The following ABL2 variants were observed in gnomAD, a reference collection of about 807,000 sequenced individuals.
The protein encoded by ABL2 is tyrosine-protein kinase ABL2.
A neutral mutation model predicts 107.7 loss-of-function variants in ABL2; 49 were observed. The ratio of observed to expected loss-of-function variants is 0.45; its 90% CI spans 0.36 to 0.58. The LOEUF is 0.58. ABL2 is among the 20% of genes least tolerant of loss of function. The probability of loss-of-function intolerance (pLI) is 0.00; values close to 1 mark genes in which losing one functional copy is unlikely to be tolerated. For missense variants in ABL2, 1,245 were observed against 1,457.0 expected (o/e 0.85, Z 2.37); for synonymous variants, 549 against 548.6 (o/e 1.00, Z -0.01).
At chr1:179,135,533 A>C (rs369343645) in intron 1 of ABL2, among the ~76,000 whole-genome samples, 1 of 137,306 alleles carries the variant, frequency 7.3e-6, no homozygotes, top group Non-Finnish European at 1.6e-5. Context: ...CCCTCCGCCC[A>C]GCAGCCACCC....
Position 179,107,987 on chromosome 1 carries a change from C to T in ABL2, c.3280G>A (p.Asp1094Asn). ...TCCGTGAGTGCACTGGACAGTAGGT[C>T]AGCACATTCCAGCAGGGCCTCTTTG... ...ISKEALLECADLLSSALTEPV... is the reference protein window; with the variant it reads ...ISKEALLECANLLSSALTEPV... The change falls in exon 12 of 12, where the codon GAC becomes AAC. Residue 1094 changes from aspartate to asparagine, a missense_variant. Around this residue, in one of 3 missense-constraint regions of ABL2, gnomAD observed 761 missense variants for 766.4 expected, o/e 0.99. Transcript: ENST00000502732. 1 of 1,614,222 alleles carries T rather than the reference C, an allele frequency of 6.2e-7. No homozygotes were observed. Among genetic ancestry groups the T allele is most frequent in the East Asian group, 2.2e-5 (1 of 44,886 alleles).
chr1:179,135,303 C>A (rs1213589996), intron 1 of ABL2, among the ~76,000 whole-genome samples: 1 of 146,772 alleles, frequency 6.8e-6, no homozygotes, highest in Admixed American at 6.6e-5. Context: ...TCTTCCCGGC[C>A]GCCATCACAT....
rs1440737660 is a variant in ABL2, at chr1:179,106,768, T to G, written c.*950A>C. ...CAGCTGCTCAAGTCCTTGGCCAGTA[T>G]GTCAGTATGCAGGGGAACTGTATCA... On this transcript the variant is annotated 3_prime_UTR_variant, in exon 12 of 12. Transcript: ENST00000502732. 1 of 231,944 alleles carries G rather than the reference T, an allele frequency of 4.3e-6. No homozygotes were observed. The highest frequency in any genetic ancestry group is 2.2e-5 in the African/African-American group (1 of 45,288). 14.4% of individuals were successfully genotyped at this position (231,944 alleles called of 1,614,324 possible).
At position 179,110,377 on chromosome 1, in the gene ABL2, G is replaced by C; in HGVS notation, c.1730C>G (p.Ser577Cys). The C allele has an allele frequency of 1.2e-6, 2 of 1,614,188 alleles. No homozygotes were observed. Among genetic ancestry groups the C allele is most frequent in the South Asian group, 2.2e-5 (2 of 91,084 alleles). Residue 577 changes from serine to cysteine, a missense_variant, in exon 11 of 12, where the codon TCC becomes TGC. This residue lies in a region of ABL2 where 761 missense variants were observed against 766.4 expected (regional missense o/e 0.99). Transcript: ENST00000502732. ...PYLPRLPILP[S>C]KTRTLKKQVE... ...CTGTTTCTTCAGTGTCCGAGTCTTG[G>C]AAGGAAGTATAGGTAGCCGGGGCAG...
intron 1 of ABL2, among the ~76,000 whole-genome samples, chr1:179,195,526 G>GTA (rs901995047): frequency 6.6e-6 from 1 of 151,976 alleles, no homozygotes; most frequent in African/African-American, 2.4e-5. Flanking sequence ...TTTCACTTCT[G>GTA]TATATATATA....
intron 8 of ABL2, 117 bp downstream of exon 8, chr1:179,117,215 G>A (rs1557918010): frequency 9.6e-7 from 1 of 1,043,970 alleles, no homozygotes; most frequent in South Asian, 1.4e-5. Context: ...AATAACTGAA[G>A]AAGAATGGCA....
intron 4 of ABL2, among the ~76,000 whole-genome samples, chr1:179,123,379 C>A (rs1655409624): frequency 6.6e-6 from 1 of 151,958 alleles, no homozygotes; most frequent in South Asian, 2.1e-4. Flanking sequence ...GTGGTGCGTG[C>A]CTGCAGTCCC....
intron 3 of ABL2, among the ~76,000 whole-genome samples, chr1:179,128,618 G>GAT (rs1655975606): frequency 6.6e-6 from 1 of 152,136 alleles, no homozygotes; most frequent in South Asian, 2.1e-4. Flanking sequence ...GACTACCATG[G>GAT]AAACTGATAG....
chr1:179,215,476 G>A (rs1376708936), intron 1 of ABL2, among the ~76,000 whole-genome samples: 1 of 152,156 alleles, frequency 6.6e-6, no homozygotes, highest in African/African-American at 2.4e-5. Context: ...GCTCACGCCT[G>A]TAATCCCAGC....
intron 1 of ABL2, among the ~76,000 whole-genome samples, chr1:179,188,891 G>A (rs1660839039): frequency 6.6e-6 from 1 of 152,182 alleles, no homozygotes; most frequent in South Asian, 2.1e-4. Flanking sequence ...ACTATTGATT[G>A]CCTCTAGAGA....
At chr1:179,209,493 G>A (rs1286164763) in intron 1 of ABL2, among the ~76,000 whole-genome samples, 2 of 152,166 alleles carry the variant, frequency 1.3e-5, no homozygotes, top group African/African-American at 2.4e-5. Flanking sequence ...GCCCTTTGCT[G>A]TAGTGGTCTC....
At chr1:179,190,096 C>T (rs113985112) in intron 1 of ABL2, among the ~76,000 whole-genome samples, 14,360 of 152,076 alleles carry the variant, frequency 0.094, 713 homozygotes, top group African/African-American at 0.12. Context: ...GGATTACAGG[C>T]GTGAGCCACC....
intron 9 of ABL2, among the ~76,000 whole-genome samples, chr1:179,113,903 C>CA (rs1392854455): frequency 6.6e-6 from 1 of 150,732 alleles, no homozygotes; most frequent in Non-Finnish European, 1.5e-5. Context: ...CACTGCACTC[C>CA]AGCCTGGGCG....
At chr1:179,186,409 G>A (rs1660687646) in intron 1 of ABL2, among the ~76,000 whole-genome samples, 1 of 151,782 alleles carries the variant, frequency 6.6e-6, no homozygotes, top group East Asian at 1.9e-4. Context: ...AGGGAGTTTC[G>A]CTCTTCTTGC....
intron 1 of ABL2, chr1:179,184,087 G>T: frequency 3.7e-6 from 1 of 272,910 alleles, no homozygotes; most frequent in Non-Finnish European, 7.1e-6. Flanking sequence ...CAGAAGAGGT[G>T]AGAATTGATC....
At chr1:179,207,160 TTTTC>T (rs1427176160) in intron 1 of ABL2, among the ~76,000 whole-genome samples, 11 of 149,732 alleles carry the variant, frequency 7.3e-5, no homozygotes, top group Admixed American at 1.3e-4. Context: ...TTCTCCATTC[TTTTC>T]TTTCTTTTTT....
intron 1 of ABL2, among the ~76,000 whole-genome samples, chr1:179,187,605 T>C (rs991453878): frequency 1.2e-4 from 18 of 152,370 alleles, no homozygotes; most frequent in Admixed American, 5.9e-4. Context: ...AAGGGATCTG[T>C]ACAAATTTGA....
At chr1:179,112,818 G>A (rs1419254970) in intron 9 of ABL2, among the ~76,000 whole-genome samples, 1 of 151,508 alleles carries the variant, frequency 6.6e-6, no homozygotes, top group Admixed American at 6.6e-5. Flanking sequence ...GCAGTGGCGC[G>A]ATCTCGGTTC....
chr1:179,182,825 T>C (rs1451063363), intron 1 of ABL2, among the ~76,000 whole-genome samples: 2 of 152,196 alleles, frequency 1.3e-5, no homozygotes, highest in African/African-American at 2.4e-5. Context: ...TAACAGCTTA[T>C]AGAATCTTAT....
Sources: gnomAD v4.1 joint callset for allele counts (sites outside exome capture counted in the v4.1 genomes callset) on GRCh38, gnomAD v4.1.1 for gene constraint, gnomAD v4.1.1 regional missense constraint, MANE v1.5 for transcripts, NCBI Gene and HGNC (gene_info 2026-07-23, HGNC 2026-07-21) for gene names.